Variants in DNAH3 observed in about 807,000 individuals in gnomAD.
The protein encoded by DNAH3 is dynein axonemal heavy chain 3, also known as axonemal beta dynein heavy chain 3.
A neutral mutation model predicts 432.5 loss-of-function variants in DNAH3; 332 were observed. The observed-to-expected ratio is 0.77, with a 90% CI of 0.70 to 0.84. The LOEUF is 0.84. Among genes scored for constraint, DNAH3 ranks in the 40% least tolerant of loss-of-function variants. The pLI is 0.00. For synonymous variants in DNAH3, 1,956 were observed against 1,900.2 expected, an observed-to-expected ratio of 1.03 and a Z score of -0.76; for missense variants, 4,861 against 5,114.0, an observed-to-expected ratio of 0.95 and a Z score of 1.51.
At chr16:21,003,075 A>G in intron 42 of DNAH3, 29 bp downstream of exon 42, 1 of 1,440,316 alleles carries the variant, frequency 6.9e-7, no homozygotes, top group Non-Finnish European at 9.8e-7. Flanking sequence ...TGGAAACCAA[A>G]GTTCCATGGC....
chr16:21,106,678 C>T lies in DNAH3; in HGVS notation c.2100-4G>A. 6.8e-7 allele frequency: 1 copy of T among 1,474,692 alleles called. No individual in the cohort carries two copies. The allele number at this position is 1,474,692 out of a possible 1,614,324, so 91.4% of individuals were successfully genotyped here. A position where few individuals can be genotyped will look rare whatever the true frequency, so the allele number is the denominator to read the frequency against. Reference sequence around the variant, plus strand: ...GTGGCTGTACTGATTACAAATGCTACAGAAAAGAAACAGCCATTGTTATCA... The same window carrying T: ...GTGGCTGTACTGATTACAAATGCTATAGAAAAGAAACAGCCATTGTTATCA... On this transcript the variant is annotated splice_polypyrimidine_tract_variant and splice_region_variant and intron_variant, in intron 14 of 61. Coordinates refer to ENST00000261383, the Ensembl canonical transcript of DNAH3.
At chr16:20,974,579 G>GTT (rs752437227) in intron 51 of DNAH3, among the ~76,000 whole-genome samples, 23,777 of 81,860 alleles carry the variant, frequency 0.29, 5,007 homozygotes, top group South Asian at 0.48. Context: ...GTTTTATAGT[G>GTT]TTTTTTTTTT....
chr16:21,151,286 T>C (rs189197410), intron 1 of DNAH3, among the ~76,000 whole-genome samples: 3 of 151,276 alleles, frequency 2.0e-5, no homozygotes, highest in Admixed American at 2.0e-4. Context: ...TTGCATATAG[T>C]AGAAGGATAA....
intron 32 of DNAH3, among the ~76,000 whole-genome samples, chr16:21,040,358 A>ATTTTTTTTTTT (rs55797285): frequency 1.0e-4 from 8 of 79,708 alleles, no homozygotes; most frequent in Admixed American, 3.0e-4. Context: ...AGCCAGACAG[A>ATTTTTTTTTTT]TTTTTTTTTT....
intron 23 of DNAH3, among the ~76,000 whole-genome samples, chr16:21,069,102 T>C (rs975971257): frequency 3.3e-5 from 5 of 151,816 alleles, no homozygotes; most frequent in African/African-American, 4.8e-5. Context: ...TATTTGTGTG[T>C]GTGTGTGTGT....
Position 20,994,850 on chromosome 16 carries a change from T to TA in DNAH3, c.6601+2432_6601+2433insT, listed in dbSNP as rs549013990. Among the ~76,000 whole-genome samples the TA allele has an allele frequency of 3.7e-4, 57 of 152,232 alleles. No homozygotes were observed. In the East Asian group the frequency reaches 9.1e-3, roughly 24 times the overall value. ...TCCATGTTGTAACATGTCTTTTTTT[T>TA]TAAAAAAATCCTCCTTTTATTATTA... On this transcript the variant is annotated intron_variant, in intron 44 of 61. Coordinates refer to ENST00000261383, the Ensembl canonical transcript of DNAH3.
intron 37 of DNAH3, among the ~76,000 whole-genome samples, chr16:21,030,415 G>C (rs1198098306): frequency 1.3e-5 from 2 of 152,154 alleles, no homozygotes; most frequent in Non-Finnish European, 1.5e-5. Context: ...AAGAAAAAGA[G>C]AGAGAGAAAG....
intron 54 of DNAH3, among the ~76,000 whole-genome samples, chr16:20,956,381 C>T (rs2084566669): frequency 6.6e-6 from 1 of 152,206 alleles, no homozygotes; most frequent in Non-Finnish European, 1.5e-5. Flanking sequence ...GTGCCCAGTT[C>T]ACTGCAAGCC....
At chr16:21,097,974 T>A (rs1269234763) in intron 17 of DNAH3, among the ~76,000 whole-genome samples, 3 of 152,226 alleles carry the variant, frequency 2.0e-5, no homozygotes, top group Non-Finnish European at 2.9e-5. Flanking sequence ...AACCCAAAGA[T>A]GTGTTACAGG....
intron 41 of DNAH3, among the ~76,000 whole-genome samples, chr16:21,015,141 GTAC>G (rs1264332227): frequency 6.6e-6 from 1 of 152,122 alleles, no homozygotes; most frequent in Non-Finnish European, 1.5e-5. Context: ...ACTGCTTTAA[GTAC>G]CAAAAATTGT....
intron 50 of DNAH3, among the ~76,000 whole-genome samples, chr16:20,978,127 C>T (rs976616008): frequency 2.0e-5 from 3 of 152,196 alleles, no homozygotes; most frequent in Non-Finnish European, 2.9e-5. Flanking sequence ...TAATTAATAA[C>T]TCATGTGCCA....
At chr16:20,988,509 G>A (rs1567593283) in intron 44 of DNAH3, among the ~76,000 whole-genome samples, 2 of 152,140 alleles carry the variant, frequency 1.3e-5, no homozygotes, top group Non-Finnish European at 2.9e-5. Flanking sequence ...CCGCCTCCCG[G>A]GCTCAAGAGA....
chr16:20,952,510 C>T lies in DNAH3; in HGVS notation c.11111G>A (p.Arg3704Lys), dbSNP rs147732992. 12,828 of 1,613,198 alleles carry T rather than the reference C, an allele frequency of 8.0e-3. 73 individuals are homozygous for T. The highest frequency in any genetic ancestry group is 0.016 in the Middle Eastern group (94 of 6,050). ...CATCTGGATCTGCCACATACTAATC[C>T]TCAGGTCAGATTCGTTGAATTCATA... Residue 3704 changes from arginine to lysine, a missense_variant, in exon 56 of 62, where the codon AGG becomes AAG. Transcript: ENST00000261383.
chr16:21,123,869 T>C (rs1261430472), intron 9 of DNAH3, among the ~76,000 whole-genome samples: 1 of 152,072 alleles, frequency 6.6e-6, no homozygotes, highest in African/African-American at 2.4e-5. Flanking sequence ...CTCGGCTCAC[T>C]GCAACCTCTG....
At chr16:21,055,982 C>T (rs1397556176) in intron 27 of DNAH3, among the ~76,000 whole-genome samples, 1 of 151,454 alleles carries the variant, frequency 6.6e-6, no homozygotes, top group African/African-American at 2.5e-5. Context: ...AAGCAATCCT[C>T]CCGCCTTGGC....
At chr16:21,124,931 T>C (rs921466525) in intron 9 of DNAH3, among the ~76,000 whole-genome samples, 6 of 152,062 alleles carry the variant, frequency 3.9e-5, no homozygotes, top group Admixed American at 2.6e-4. Flanking sequence ...ATTACAGACG[T>C]GGCCTGTAAT....
chr16:21,159,437 C>T (rs1005071143), exon 1 of DNAH3: 18 of 1,613,662 alleles, frequency 1.1e-5, no homozygotes, highest in East Asian at 6.7e-5. Context: ...CCCTGTAGCT[C>T]CCATCCCCCA....
intron 37 of DNAH3, among the ~76,000 whole-genome samples, chr16:21,029,795 T>C (rs2088779404): frequency 6.6e-6 from 1 of 152,236 alleles, no homozygotes; most frequent in Non-Finnish European, 1.5e-5. Context: ...CTGTGTTGTG[T>C]TGGGCAAGTT....
rs1567769118 is a variant in DNAH3, at chr16:21,087,062, T to C, written c.2666-2A>G. The C allele has an allele frequency of 5.0e-6, 8 of 1,612,424 alleles. No homozygotes were observed. Among genetic ancestry groups the C allele is most frequent in the East Asian group, 2.2e-5 (1 of 44,882 alleles). ...CAGCATTCAGTAAGAAGAGGGGTCCTGAAATAGAAGAGTGAGGGAAAGGTC... is the reference window on the plus strand; with the variant it reads ...CAGCATTCAGTAAGAAGAGGGGTCCCGAAATAGAAGAGTGAGGGAAAGGTC... On this transcript the variant is annotated splice_acceptor_variant, in intron 18 of 61. Transcript: ENST00000261383. LOFTEE classifies it high-confidence loss of function.
Sources: gnomAD v4.1 joint callset for allele counts (sites outside exome capture counted in the v4.1 genomes callset) on GRCh38, gnomAD v4.1.1 for gene constraint, MANE v1.5 for transcripts, NCBI Gene and HGNC (gene_info 2026-07-23, HGNC 2026-07-21) for gene names.